GABRB2: variants seen among roughly 807,000 people sequenced by gnomAD.
The protein encoded by GABRB2 is gamma-aminobutyric acid receptor subunit beta-2.
In GABRB2, 16 loss-of-function variants were observed where a neutral mutation model predicts 54.7. The observed-to-expected ratio is 0.29, with a 90% CI of 0.20 to 0.44. GABRB2 has a LOEUF of 0.44. GABRB2 is among the 20% of genes least tolerant of loss of function. The pLI, the probability that GABRB2 is intolerant of heterozygous loss-of-function variation, is 1.00. For synonymous variants in GABRB2, 244 were observed against 233.8 expected, an observed-to-expected ratio of 1.04 and a Z score of -0.40; for missense variants, 355 against 644.0, an observed-to-expected ratio of 0.55 and a Z score of 4.86.
intron 3 of GABRB2, among the ~76,000 whole-genome samples, chr5:161,512,711 C>CAAGTG (rs1196078929): frequency 6.6e-6 from 1 of 152,000 alleles, no homozygotes; most frequent in Non-Finnish European, 1.5e-5. Flanking sequence ...TAAAAATTGA[C>CAAGTG]AAGTGGGACC....
intron 5 of GABRB2, among the ~76,000 whole-genome samples, chr5:161,355,028 T>A (rs1754573571): frequency 6.6e-6 from 1 of 152,100 alleles, no homozygotes; most frequent in South Asian, 2.1e-4. Flanking sequence ...ACATGGATGT[T>A]TCTTAATCCT....
intron 4 of GABRB2, among the ~76,000 whole-genome samples, chr5:161,413,470 T>C (rs750710644): frequency 1.2e-4 from 19 of 152,296 alleles, no homozygotes; most frequent in Middle Eastern, 6.8e-3. Context: ...TACATTCGCA[T>C]TTTATTGTTC....
chr5:161,397,639 A>T (rs1350111487), intron 5 of GABRB2, among the ~76,000 whole-genome samples: 1 of 152,218 alleles, frequency 6.6e-6, no homozygotes, highest in Admixed American at 6.5e-5. Context: ...TATGGATATT[A>T]TGCTGACAAT....
intron 3 of GABRB2, among the ~76,000 whole-genome samples, chr5:161,529,961 C>T (rs1760406542): frequency 6.6e-6 from 1 of 151,940 alleles, no homozygotes. Flanking sequence ...GTAAAATAGG[C>T]CTTCTGCTAT....
At chr5:161,407,955 C>T (rs373939655) in intron 5 of GABRB2, among the ~76,000 whole-genome samples, 2 of 151,950 alleles carry the variant, frequency 1.3e-5, no homozygotes, top group East Asian at 3.9e-4. Context: ...GTTATGAAGT[C>T]GGTGTAGTCC....
intron 9 of GABRB2, among the ~76,000 whole-genome samples, chr5:161,320,999 G>A (rs1473730696): frequency 3.3e-5 from 5 of 152,014 alleles, no homozygotes; most frequent in South Asian, 4.2e-4. Flanking sequence ...TCATGCTGTA[G>A]TGTATACCAC....
intron 5 of GABRB2, among the ~76,000 whole-genome samples, chr5:161,381,818 C>A (rs1055571808): frequency 3.3e-5 from 5 of 152,154 alleles, no homozygotes; most frequent in African/African-American, 1.2e-4. Flanking sequence ...TAACAAAAGA[C>A]AAACACTTCT....
At chr5:161,543,167 T>G (rs1760872909) in intron 3 of GABRB2, among the ~76,000 whole-genome samples, 1 of 152,200 alleles carries the variant, frequency 6.6e-6, no homozygotes, top group African/African-American at 2.4e-5. Flanking sequence ...CTGATATTCA[T>G]TTTTGCACTT....
chr5:161,528,342 A>G (rs887041899), intron 3 of GABRB2, among the ~76,000 whole-genome samples: 7 of 151,752 alleles, frequency 4.6e-5, no homozygotes, highest in South Asian at 4.1e-4. Flanking sequence ...ACCGATTTCT[A>G]CAGTGGACAT....
chr5:161,381,005 T>C (rs1277442783), intron 5 of GABRB2, among the ~76,000 whole-genome samples: 2 of 152,172 alleles, frequency 1.3e-5, no homozygotes, highest in Non-Finnish European at 2.9e-5. Flanking sequence ...ACAAAAAACA[T>C]GCAGAGACAC....
At chr5:161,368,836 G>A (rs1156744332) in intron 5 of GABRB2, among the ~76,000 whole-genome samples, 1 of 152,156 alleles carries the variant, frequency 6.6e-6, no homozygotes, top group East Asian at 1.9e-4. Flanking sequence ...AAAGTGAGGT[G>A]TAATTTTAGT....
At chr5:161,534,474 C>G (rs779369654) in intron 3 of GABRB2, among the ~76,000 whole-genome samples, 3 of 152,102 alleles carry the variant, frequency 2.0e-5, no homozygotes, top group Admixed American at 6.5e-5. Flanking sequence ...TTAATCCTCT[C>G]GGGAAGAAAG....
intron 5 of GABRB2, among the ~76,000 whole-genome samples, chr5:161,369,645 C>G (rs1755075273): frequency 6.6e-6 from 1 of 151,734 alleles, no homozygotes; most frequent in Non-Finnish European, 1.5e-5. Context: ...GAGAGAGATG[C>G]TTGGGGGAAT....
rs1338788033 is a variant in GABRB2 at position 161,294,377 on chromosome 5, T to C, written c.1243A>G (p.Met415Val). 1.2e-6 allele frequency: 2 copies of C among 1,614,080 alleles called. No homozygotes were observed. Among genetic ancestry groups the C allele is most frequent in the African/African-American group, 2.7e-5 (2 of 75,046 alleles). ...LLSTLEIKNE[M>V]ATSEAVMGLG... ...CCCATCACAGCCTCAGATGTGGCCA[T>C]TTCATTTTTTATCTCGAGAGTGCTC... The change falls in exon 10 of 10, where the codon ATG becomes GTG. Residue 415 changes from methionine (M) to valine (V), a missense_variant. Physicochemically the swap from Met to Val is conservative, Grantham distance 21. Coordinates refer to ENST00000393959, the MANE Select transcript of GABRB2 (RefSeq NM_001371727.1).
intron 9 of GABRB2, among the ~76,000 whole-genome samples, chr5:161,310,849 A>G (rs2617490): frequency 0.44 from 65,523 of 149,482 alleles, 16,694 homozygotes; most frequent in African/African-American, 0.7. Flanking sequence ...TGCAAGCTCC[A>G]CCTCCCAAGT....
At chr5:161,294,928 G>A (rs1021442592) in intron 9 of GABRB2, among the ~76,000 whole-genome samples, 1 of 152,076 alleles carries the variant, frequency 6.6e-6, no homozygotes, top group African/African-American at 2.4e-5. Flanking sequence ...TTTATGTCAG[G>A]CATTTTTTTG....
intron 3 of GABRB2, among the ~76,000 whole-genome samples, chr5:161,501,954 G>A (rs1327614355): frequency 6.9e-6 from 1 of 144,856 alleles, no homozygotes; most frequent in African/African-American, 2.6e-5. Context: ...AATATGTAAA[G>A]TAAATATAAT....
intron 4 of GABRB2, among the ~76,000 whole-genome samples, chr5:161,435,358 C>G (rs569717413): frequency 2.0e-5 from 3 of 152,002 alleles, no homozygotes; most frequent in Non-Finnish European, 4.4e-5. Flanking sequence ...ATATTCACCA[C>G]ATAATAAGTG....
intron 3 of GABRB2, among the ~76,000 whole-genome samples, chr5:161,528,644 T>G (rs917234486): frequency 6.6e-6 from 1 of 151,802 alleles, no homozygotes; most frequent in African/African-American, 2.4e-5. Context: ...AATAACATCT[T>G]TTAACCTAAG....
Sources: gnomAD v4.1 joint callset for allele counts (sites outside exome capture counted in the v4.1 genomes callset) on GRCh38, gnomAD v4.1.1 for gene constraint, MANE v1.5 for transcripts, NCBI Gene and HGNC (gene_info 2026-07-23, HGNC 2026-07-21) for gene names.